Variants in CPQ observed in about 807,000 individuals in gnomAD.
The protein encoded by CPQ is Ser-Met dipeptidase.
CPQ carries 37 observed loss-of-function variants against 45.7 expected under a neutral mutation model. The observed-to-expected ratio is 0.81, with a 90% CI of 0.62 to 1.07. The LOEUF is 1.07. Among genes scored for constraint, CPQ ranks in the 50% least tolerant of loss-of-function variants. The pLI, the probability that CPQ is intolerant of heterozygous loss-of-function variation, is 0.00. For synonymous variants in CPQ, 186 were observed against 205.8 expected, an observed-to-expected ratio of 0.90 and a Z score of 0.82; for missense variants, 537 against 572.9, an observed-to-expected ratio of 0.94 and a Z score of 0.64.
At chr8:96,965,440 G>GCTCA (rs1191800159) in intron 4 of CPQ, among the ~76,000 whole-genome samples, 7 of 143,586 alleles carry the variant, frequency 4.9e-5, no homozygotes, top group Non-Finnish European at 1.0e-4. Flanking sequence ...CGCAATCTCA[G>GCTCA]CTCACTGCAA....
At chr8:96,730,866 C>CATACATACATATAT in intron 1 of CPQ, among the ~76,000 whole-genome samples, 1 of 68,696 alleles carries the variant, frequency 1.5e-5, no homozygotes, top group East Asian at 4.7e-4. Context: ...ACCATACATA[C>CATACATACATATAT]ATATATATAT....
chr8:96,993,423 A>G (rs1809128150), intron 5 of CPQ, among the ~76,000 whole-genome samples: 1 of 152,152 alleles, frequency 6.6e-6, no homozygotes, highest in African/African-American at 2.4e-5. Flanking sequence ...CCTGGTCTTT[A>G]TAGGTCTAAT....
intron 1 of CPQ, among the ~76,000 whole-genome samples, chr8:96,762,090 G>T (rs1463056923): frequency 1.3e-5 from 2 of 152,150 alleles, no homozygotes; most frequent in African/African-American, 4.8e-5. Flanking sequence ...TGGCTTTATA[G>T]GAAGTATATC....
chr8:96,677,879 T>G (rs1294950746), intron 1 of CPQ, among the ~76,000 whole-genome samples: 1 of 152,172 alleles, frequency 6.6e-6, no homozygotes, highest in African/African-American at 2.4e-5. Context: ...GTTTCATTCT[T>G]CTACATGTGA....
chr8:96,775,693 A>G (rs1810596073), intron 1 of CPQ, among the ~76,000 whole-genome samples: 1 of 152,232 alleles, frequency 6.6e-6, no homozygotes, highest in African/African-American at 2.4e-5. Flanking sequence ...GGCCAAGGTA[A>G]TAGGTTTTTC....
intron 6 of CPQ, among the ~76,000 whole-genome samples, chr8:97,033,218 T>C (rs1364018188): frequency 6.6e-6 from 1 of 152,182 alleles, no homozygotes; most frequent in Non-Finnish European, 1.5e-5. Flanking sequence ...ACTTTTTAAA[T>C]GACTCTGCTA....
At chr8:96,894,326 A>C (rs1812416645) in intron 4 of CPQ, among the ~76,000 whole-genome samples, 1 of 152,210 alleles carries the variant, frequency 6.6e-6, no homozygotes, top group South Asian at 2.1e-4. Context: ...TTTTGGGGTA[A>C]ACTAATACAG....
chr8:96,719,825 G>A (rs1282572717), intron 1 of CPQ, among the ~76,000 whole-genome samples: 7 of 152,180 alleles, frequency 4.6e-5, no homozygotes, highest in African/African-American at 1.7e-4. Flanking sequence ...CTCCAGTGCT[G>A]TATAGGGTTA....
At position 96,917,159 on chromosome 8, in the gene CPQ, T is replaced by TA. The variant is rs563499015; in HGVS notation, c.849+37161dup. 3.3e-3 allele frequency among the ~76,000 whole-genome samples: 509 copies of TA among 152,188 alleles called. 3 individuals carry two copies. The highest frequency in any genetic ancestry group is 0.012 in the African/African-American group (482 of 41,550). On this transcript the variant is annotated intron_variant, in intron 4 of 7. Coordinates refer to ENST00000220763, the MANE Select transcript of CPQ (RefSeq NM_016134.4). ...AGAGGCAGTTATTAATTCCAGGATT[T>TA]AAAAAAACAAGATGGCATTATACTC...
intron 1 of CPQ, among the ~76,000 whole-genome samples, chr8:96,722,992 CGAT>C (rs2095078666): frequency 6.6e-6 from 1 of 152,066 alleles, no homozygotes; most frequent in South Asian, 2.1e-4. Flanking sequence ...ATTTAATGAG[CGAT>C]GAGCATCTCT....
chr8:96,652,926 A>G (rs1229113729), intron 1 of CPQ, among the ~76,000 whole-genome samples: 1 of 151,826 alleles, frequency 6.6e-6, no homozygotes, highest in Non-Finnish European at 1.5e-5. Flanking sequence ...GAGCCACCGC[A>G]CCCGGCCCCA....
intron 5 of CPQ, among the ~76,000 whole-genome samples, chr8:96,970,689 G>A (rs905993477): frequency 6.6e-6 from 1 of 151,422 alleles, no homozygotes; most frequent in African/African-American, 2.4e-5. Flanking sequence ...TCAGCCTCAC[G>A]AGTAGCTGGG....
At chr8:96,780,244 G>A (rs977305327) in intron 1 of CPQ, among the ~76,000 whole-genome samples, 1 of 152,160 alleles carries the variant, frequency 6.6e-6, no homozygotes, top group African/African-American at 2.4e-5. Context: ...AGAAGATGGT[G>A]CAAATAACTC....
chr8:97,083,473 G>T (rs930772457), intron 7 of CPQ, among the ~76,000 whole-genome samples: 2 of 152,126 alleles, frequency 1.3e-5, no homozygotes, highest in Non-Finnish European at 2.9e-5. Flanking sequence ...CTACTATACT[G>T]GTTCAGTGTC....
intron 2 of CPQ, among the ~76,000 whole-genome samples, chr8:96,814,120 C>T (rs1473329036): frequency 6.6e-6 from 1 of 151,770 alleles, no homozygotes; most frequent in Non-Finnish European, 1.5e-5. Flanking sequence ...TTATTCTGTC[C>T]ACTTACCTAA....
At chr8:96,645,677 C>G (rs1815510377) in intron 1 of CPQ, among the ~76,000 whole-genome samples, 1 of 152,006 alleles carries the variant, frequency 6.6e-6, no homozygotes, top group Non-Finnish European at 1.5e-5. Context: ...TGCTGCGGGA[C>G]AGCAGCGAGC....
chr8:97,085,991 G>A (rs1384011197), intron 7 of CPQ, among the ~76,000 whole-genome samples: 1 of 152,180 alleles, frequency 6.6e-6, no homozygotes, highest in Non-Finnish European at 1.5e-5. Context: ...AAGAGAGGAA[G>A]CTGTTAAATT....
chr8:96,716,217 T>A (rs1480975960), intron 1 of CPQ, among the ~76,000 whole-genome samples: 1 of 152,230 alleles, frequency 6.6e-6, no homozygotes, highest in Non-Finnish European at 1.5e-5. Flanking sequence ...TGGCTTCTAG[T>A]AGGTGGTGGC....
chr8:97,090,789 G>T (rs1041035136), intron 7 of CPQ, among the ~76,000 whole-genome samples: 1 of 152,090 alleles, frequency 6.6e-6, no homozygotes, highest in Non-Finnish European at 1.5e-5. Flanking sequence ...GTTCTCAAGC[G>T]GTTCTTTGGA....
Sources: allele counts gnomAD v4.1 joint callset (sites outside exome capture counted in the v4.1 genomes callset), GRCh38; gene constraint gnomAD v4.1.1; transcripts MANE v1.5; gene names NCBI Gene and HGNC (gene_info 2026-07-23, HGNC 2026-07-21).